The following BBS7 variants were observed in gnomAD, a reference collection of about 807,000 sequenced individuals.
BBS7 encodes the protein Bardet-Biedl syndrome 7, also known as BBSome complex member BBS7.
BBS7 carries 50 observed loss-of-function variants against 90.3 expected under a neutral mutation model. The observed-to-expected ratio is 0.55, with a 90% CI of 0.44 to 0.70. The LOEUF is 0.70. Ranked by LOEUF, BBS7 falls within the 30% of genes least tolerant of loss-of-function variation. The pLI, the probability that BBS7 is intolerant of heterozygous loss-of-function variation, is 0.00. For missense variants in BBS7, 729 were observed against 838.9 expected (o/e 0.87, Z 1.62); for synonymous variants, 235 against 287.4 (o/e 0.82, Z 1.85).
At chr4:121,849,073 A>G in intron 8 of BBS7, 145 bp from the exon 9 acceptor site, 3 of 656,126 alleles carry the variant, frequency 4.6e-6, no homozygotes, top group Non-Finnish European at 8.0e-6. Context: ...GATTAGAAAG[A>G]CAAAATATCT....
chr4:121,852,073 G>A (rs570116687), intron 8 of BBS7, among the ~76,000 whole-genome samples: 6 of 152,350 alleles, frequency 3.9e-5, no homozygotes, highest in African/African-American at 1.4e-4. Flanking sequence ...TTAGCAGGAT[G>A]ACTTTTTACA....
chr4:121,833,218 A>G lies in BBS7; in HGVS notation c.1676+13T>C, dbSNP rs759023948. The G allele has an allele frequency of 9.3e-6, 15 of 1,612,648 alleles. No homozygotes were observed. Among genetic ancestry groups the G allele is most frequent in the Middle Eastern group, 1.6e-4 (1 of 6,078 alleles). ...AAAACAACACTTGTGAACCAGTAAT[A>G]AGTTAGATTTACCTGTAGGTACTTT... On this transcript the variant is annotated intron_variant, in intron 15 of 18. Coordinates refer to ENST00000264499, the MANE Select transcript of BBS7 (RefSeq NM_176824.3).
At chr4:121,850,189 A>T (rs1726243498) in intron 8 of BBS7, among the ~76,000 whole-genome samples, 1 of 151,766 alleles carries the variant, frequency 6.6e-6, no homozygotes. Flanking sequence ...TTTTTTAGAC[A>T]GGACATTGAT....
Position 121,835,223 on chromosome 4 carries a change from G to A in BBS7, c.1432C>T (p.Pro478Ser). The A allele has an allele frequency of 6.2e-7, 1 of 1,613,844 alleles. No individual in the cohort carries two copies. The highest frequency in any genetic ancestry group is 8.5e-7 in the Non-Finnish European group (1 of 1,179,854). ...TACTGGCGGACCTGACAGGTTTTGGGTTGAATTCTTGGAGTCACATATGCT... is the reference window on the plus strand; with the variant it reads ...TACTGGCGGACCTGACAGGTTTTGGATTGAATTCTTGGAGTCACATATGCT... ...LQAYVTPRIQ[P>S]KTCQVRQYHI... is the part of the protein sequence containing the mutation. Residue 478 changes from proline to serine, a missense_variant, in exon 14 of 19, where the codon CCC becomes TCC. Pro to Ser is a moderately conservative substitution (Grantham distance 74). Coordinates refer to ENST00000264499, the MANE Select transcript of BBS7 (RefSeq NM_176824.3).
In BBS7 at chr4:121,828,272, ATT is replaced by A; in HGVS notation, c.1891-5_1891-4del. On this transcript the variant is annotated splice_region_variant and splice_polypyrimidine_tract_variant and intron_variant, in intron 17 of 18. Transcript: ENST00000264499. ...TTTCCCTCATGAATCTGTAATTCCT[ATT>A]TAAAATGAAAAACAGAAGCACCTTA... 1 of 1,611,646 alleles carries A rather than the reference ATT, an allele frequency of 6.2e-7. No individual in the cohort carries two copies. Among genetic ancestry groups the A allele is most frequent in the African/African-American group, 1.3e-5 (1 of 74,974 alleles).
At chr4:121,862,078 G>A (rs11731917) in intron 3 of BBS7, among the ~76,000 whole-genome samples, 41,088 of 151,930 alleles carry the variant, frequency 0.27, 6,192 homozygotes, top group Non-Finnish European at 0.32. Flanking sequence ...ATACTCCTAC[G>A]AACAGGGAAG....
chr4:121,855,077 C>A (rs1174926423), intron 6 of BBS7, among the ~76,000 whole-genome samples: 2 of 152,042 alleles, frequency 1.3e-5, no homozygotes, highest in Non-Finnish European at 2.9e-5. Context: ...CTTTGGGAGA[C>A]TGAGGTGAGA....
rs750133083 is a variant in BBS7 at position 121,835,168 on chromosome 4, C to T, written c.1487G>A (p.Arg496Lys). Residue 496 changes from arginine (R) to lysine (K), a missense_variant, in exon 14 of 19, where the codon AGA becomes AAA. Arg to Lys is a conservative substitution (Grantham distance 26, BLOSUM62 2). Coordinates refer to ENST00000264499, the MANE Select transcript of BBS7 (RefSeq NM_176824.3). The part of the protein sequence containing the change: ...YHIKPLSLHQ[R>K]THFIDHDRPM... ...CCTGTCATGATCAATAAAGTGAGTT[C>T]TTTGATGGAGTGAAAGAGGTTTGAT... 6.2e-7 allele frequency: 1 copy of T among 1,613,700 alleles called. No homozygotes were observed.
chr4:121,855,015 T>A (rs1323109511), intron 6 of BBS7, among the ~76,000 whole-genome samples, 195 bp from the exon 7 acceptor site: 1 of 152,162 alleles, frequency 6.6e-6, no homozygotes, highest in Non-Finnish European at 1.5e-5. Flanking sequence ...TATATAATTT[T>A]AAGATGAAGA....
chr4:121,869,231 T>C (rs1312073265), intron 1 of BBS7, among the ~76,000 whole-genome samples: 1 of 152,148 alleles, frequency 6.6e-6, no homozygotes, highest in Non-Finnish European at 1.5e-5. Context: ...GGCAAACATT[T>C]GTACCATTAA....
chr4:121,846,110 A>G lies in BBS7; in HGVS notation c.1038-414T>C, dbSNP rs1000023502. Reference sequence around the variant, plus strand: ...GACAAAATGTGTGAAGCCAGTAAACACGTAACTTTCAGTAAGACATTAGGG... The same window carrying G: ...GACAAAATGTGTGAAGCCAGTAAACGCGTAACTTTCAGTAAGACATTAGGG... On this transcript the variant is annotated intron_variant, in intron 10 of 18. Coordinates refer to ENST00000264499, the MANE Select transcript of BBS7 (RefSeq NM_176824.3). 2.0e-5 allele frequency among the ~76,000 whole-genome samples: 3 copies of G among 152,216 alleles called. No individual in the cohort carries two copies. The East Asian group carries it at 5.8e-4, about 29-fold the overall frequency.
chr4:121,868,112 A>G lies in BBS7; in HGVS notation c.37-66T>C, dbSNP rs576760575. 6.1e-6 allele frequency: 8 copies of G among 1,301,582 alleles called. No individual in the cohort carries two copies. The Middle Eastern group carries it at 9.1e-4, about 148-fold the overall frequency. The allele number at this position is 1,301,582 out of a possible 1,614,324, so 80.6% of individuals were successfully genotyped here. On this transcript the variant is annotated intron_variant, in intron 1 of 18. Transcript: ENST00000264499. ...GTTATTACAGAGATTAAAATAAGTT[A>G]TAGTGAACCTTTTTGTTAAACTGAA...
At position 121,833,410 on chromosome 4, in the gene BBS7, T is replaced by C; in HGVS notation, c.1512-15A>G. 6.2e-7 allele frequency: 1 copy of C among 1,612,744 alleles called. No individual in the cohort carries two copies. Among genetic ancestry groups the C allele is most frequent in the Non-Finnish European group, 8.5e-7 (1 of 1,178,818 alleles). On this transcript the variant is annotated splice_polypyrimidine_tract_variant and intron_variant, in intron 14 of 18. Coordinates refer to ENST00000264499, the MANE Select transcript of BBS7 (RefSeq NM_176824.3). ...TATTCATGGGTCTGTAATATAATAG[T>C]AGAGGCGCACATTTATGTGTGGGAA...
Position 121,825,818 on chromosome 4 carries a change from T to C in BBS7, c.*42A>G, listed in dbSNP as rs1424997312. The C allele has an allele frequency of 1.2e-6, 2 of 1,600,016 alleles. No homozygotes were observed. The highest frequency in any genetic ancestry group is 2.7e-5 in the African/African-American group (2 of 74,624). On this transcript the variant is annotated 3_prime_UTR_variant, in exon 19 of 19. Coordinates refer to ENST00000264499, the MANE Select transcript of BBS7 (RefSeq NM_176824.3). ...TCTAATTCTCTTTTAACATTTTTCA[T>C]TTAAACAGACCACTTCTTTGGGACT... is the stretch of plus-strand genomic sequence containing the variant.
intron 13 of BBS7, among the ~76,000 whole-genome samples, chr4:121,836,006 A>G (rs1560644569): frequency 6.6e-6 from 1 of 152,202 alleles, no homozygotes; most frequent in Non-Finnish European, 1.5e-5. Context: ...TATAGCTGTT[A>G]TTATAAAAAT....
chr4:121,832,009 A>AACACACACACACAC (rs375865529), intron 15 of BBS7, among the ~76,000 whole-genome samples: 1,999 of 142,814 alleles, frequency 0.014, 47 homozygotes, highest in African/African-American at 0.05. Flanking sequence ...AAAAAACAAA[A>AACACACACACACAC]ACACACACAC....
intron 9 of BBS7, among the ~76,000 whole-genome samples, chr4:121,847,797 G>C (rs1726092403): frequency 6.6e-6 from 1 of 151,852 alleles, no homozygotes. Context: ...TATGGAATAA[G>C]TCAACATAGT....
chr4:121,854,963 T>A, intron 6 of BBS7, 143 bp from the exon 7 acceptor site: 1 of 780,564 alleles, frequency 1.3e-6, no homozygotes, highest in East Asian at 2.8e-5. Context: ...GGTTATATAT[T>A]CACACAATTT....
chr4:121,855,617 C>T (rs540575238), intron 5 of BBS7, 56 bp from the exon 6 acceptor site: 132 of 1,411,510 alleles, frequency 9.4e-5, no homozygotes, highest in Non-Finnish European at 1.3e-4. Context: ...ATAATAGAGG[C>T]ATTCATGAAT....
Sources: allele counts gnomAD v4.1 joint callset (sites outside exome capture counted in the v4.1 genomes callset), GRCh38; gene constraint gnomAD v4.1.1; transcripts MANE v1.5; gene names NCBI Gene and HGNC (gene_info 2026-07-23, HGNC 2026-07-21).